ZNF398: variants seen among roughly 807,000 people sequenced by gnomAD.
The protein encoded by ZNF398 is zinc finger DNA binding protein ZER6.
ZNF398 carries 18 observed loss-of-function variants against 41.9 expected under a neutral mutation model. That is an observed-to-expected ratio of 0.43 (90% confidence interval 0.30 to 0.64). The LOEUF is 0.64. ZNF398 is among the 30% of genes least tolerant of loss of function. The pLI is 0.14. For missense variants in ZNF398, 669 were observed against 822.8 expected (o/e 0.81, Z 2.29); for synonymous variants, 260 against 308.8 (o/e 0.84, Z 1.66).
intron 2 of ZNF398, among the ~76,000 whole-genome samples, chr7:149,164,068 C>T (rs1349628397): frequency 1.3e-5 from 2 of 151,298 alleles, no homozygotes; most frequent in Admixed American, 6.6e-5. Context: ...GCCGAGATAG[C>T]GTCACTGCAC....
At chr7:149,168,343 G>C (rs1006950660) in intron 4 of ZNF398, among the ~76,000 whole-genome samples, 6 of 152,072 alleles carry the variant, frequency 3.9e-5, no homozygotes, top group Admixed American at 3.9e-4. Context: ...CTACCAAAGT[G>C]CTGGGATTAC....
chr7:149,130,218 C>A (rs1826570458), intron 2 of ZNF398, among the ~76,000 whole-genome samples: 1 of 152,154 alleles, frequency 6.6e-6, no homozygotes, highest in Non-Finnish European at 1.5e-5. Flanking sequence ...ACCTCAGCCT[C>A]CTGAGTAGGT....
upstream of ZNF398, among the ~76,000 whole-genome samples, chr7:149,144,295 C>T (rs575636351): frequency 1.3e-5 from 2 of 152,290 alleles, no homozygotes; most frequent in South Asian, 2.1e-4. Context: ...TGCCTTATAA[C>T]ATCAAACTTG....
At chr7:149,142,060 C>T (rs1387594566) in intron 2 of ZNF398, among the ~76,000 whole-genome samples, 1 of 151,914 alleles carries the variant, frequency 6.6e-6, no homozygotes, top group East Asian at 1.9e-4. Context: ...GCAATCCTCC[C>T]ACCTCGACCT....
intron 2 of ZNF398, 37 bp from the exon 3 acceptor site, chr7:149,166,121 T>G: frequency 6.4e-7 from 1 of 1,566,774 alleles, no homozygotes; most frequent in Non-Finnish European, 8.6e-7. Context: ...GACTGAATTA[T>G]AATGGAAGGG....
intron 2 of ZNF398, among the ~76,000 whole-genome samples, chr7:149,161,931 T>C (rs1795113136): frequency 6.6e-6 from 1 of 152,156 alleles, no homozygotes; most frequent in South Asian, 2.1e-4. Context: ...GCTATAAACA[T>C]ACATTTCTTA....
In ZNF398 at chr7:149,179,375, C is replaced by T. The variant is rs755067503; in HGVS notation, c.1503C>T (p.His501=). Residue 501 remains histidine, a synonymous_variant, in exon 6 of 6, where the codon CAC becomes CAT. Coordinates refer to ENST00000475153, the MANE Select transcript of ZNF398 (RefSeq NM_170686.3). The surrounding 1 kb of genome is among the most constrained non-coding windows in gnomAD (Gnocchi z 6.1). Reference sequence around the variant, plus strand: ...ACGGCCACTCGGCCCTGATCCGCCACCAGATGATCCACACAGGCGAGCGTC... The same window carrying T: ...ACGGCCACTCGGCCCTGATCCGCCATCAGATGATCCACACAGGCGAGCGTC... The part of the protein sequence containing the change: ...DFNGHSALIR[H]QMIHTGERPY... 2.1e-5 allele frequency: 34 copies of T among 1,613,564 alleles called. No individual in the cohort carries two copies. The highest frequency in any genetic ancestry group is 3.3e-5 in the Admixed American group (2 of 60,002).
rs906318549 is a variant in ZNF398 at position 149,182,965 on chromosome 7, C to T, written c.*3164C>T. Among the ~76,000 whole-genome samples, 8 of 150,870 alleles carry T rather than the reference C, an allele frequency of 5.3e-5. No individual in the cohort carries two copies. The highest frequency in any genetic ancestry group is 8.8e-5 in the Non-Finnish European group (6 of 67,932). ...GAAGTGATGTTCATGTCTATCTCAA[C>T]CAGGACCAGACCCTGTGACTTACTC... On this transcript the variant is annotated 3_prime_UTR_variant, in exon 6 of 6. Coordinates refer to ENST00000475153, the MANE Select transcript of ZNF398 (RefSeq NM_170686.3).
Position 149,154,179 on chromosome 7 carries a change from G to A in ZNF398, c.259G>A (p.Glu87Lys), listed in dbSNP as rs373156671. 6.8e-6 allele frequency: 11 copies of A among 1,614,008 alleles called. No homozygotes were observed. The highest frequency in any genetic ancestry group is 4.5e-5 in the East Asian group (2 of 44,892). ...KLASCEKTVT[E>K]LGNQLEGKWA... ...AGCCAGCTGTGAAAAGACAGTTACC[G>A]AGCTTGGGAACCAGCTGGAGGGCAA... The change falls in exon 2 of 6, where the codon GAG becomes AAG. Residue 87 changes from glutamate (E) to lysine (K), a missense_variant. Around this residue, in one of 3 missense-constraint regions of ZNF398, gnomAD observed 169 missense variants for 239.5 expected, o/e 0.71. Coordinates refer to ENST00000475153, the MANE Select transcript of ZNF398 (RefSeq NM_170686.3).
intron 2 of ZNF398, among the ~76,000 whole-genome samples, chr7:149,162,727 G>C (rs1010148470): frequency 6.6e-6 from 1 of 152,132 alleles, no homozygotes; most frequent in Non-Finnish European, 1.5e-5. Flanking sequence ...AGAGGAACTT[G>C]TTTGAGAAAA....
At chr7:149,166,516 G>A (rs1795228538) in intron 3 of ZNF398, among the ~76,000 whole-genome samples, 1 of 152,172 alleles carries the variant, frequency 6.6e-6, no homozygotes, top group Non-Finnish European at 1.5e-5. Context: ...GACAGCTGGT[G>A]GTTTCCATGG....
intron 2 of ZNF398, among the ~76,000 whole-genome samples, chr7:149,136,928 A>G (rs1042098470): frequency 2.7e-5 from 4 of 145,930 alleles, no homozygotes; most frequent in Non-Finnish European, 6.0e-5. Context: ...GTGCAATGGC[A>G]TGGTCTGGGC....
At chr7:149,176,634 C>A in intron 5 of ZNF398, 53 bp downstream of exon 5, 1 of 1,223,518 alleles carries the variant, frequency 8.2e-7, no homozygotes, top group Non-Finnish European at 1.1e-6. Flanking sequence ...CATGCCAGGA[C>A]TGACTGAAGA....
intron 2 of ZNF398, among the ~76,000 whole-genome samples, chr7:149,135,965 C>CAAT (rs998014189): frequency 7.3e-5 from 11 of 151,666 alleles, no homozygotes; most frequent in South Asian, 2.1e-4. Context: ...AAACTAATAA[C>CAAT]AATAATAATA....
At chr7:149,162,220 C>G (rs1386731027) in intron 2 of ZNF398, among the ~76,000 whole-genome samples, 1 of 151,746 alleles carries the variant, frequency 6.6e-6, no homozygotes, top group Non-Finnish European at 1.5e-5. Flanking sequence ...CTCGCTCTGT[C>G]GCCCAGGCTG....
rs1289640029 is a variant in ZNF398 at position 149,179,477 on chromosome 7, C to T, written c.1605C>T (p.Gly535=). 4.3e-6 allele frequency: 7 copies of T among 1,614,138 alleles called. 1 individual carries two copies. Among genetic ancestry groups the T allele is most frequent in the Middle Eastern group, 3.3e-4 (2 of 6,062 alleles). The part of the protein sequence containing the change: ...HLLNHRRLHT[G]ERPFSCPHCG... ...TGAACCACCGGCGGCTGCACACAGGCGAGCGGCCCTTCAGTTGTCCTCACT... is the reference window on the plus strand; with the variant it reads ...TGAACCACCGGCGGCTGCACACAGGTGAGCGGCCCTTCAGTTGTCCTCACT... Residue 535 remains glycine, a synonymous_variant, in exon 6 of 6, where the codon GGC becomes GGT. Transcript: ENST00000475153. This position sits in a 1 kb window ranked among gnomAD's most constrained non-coding sequence, Gnocchi z 6.1.
chr7:149,172,047 C>A (rs1187915690), intron 4 of ZNF398, among the ~76,000 whole-genome samples: 1 of 152,162 alleles, frequency 6.6e-6, no homozygotes, highest in East Asian at 1.9e-4. Context: ...TTATATTCAG[C>A]ACAAATATAA....
intron 2 of ZNF398, among the ~76,000 whole-genome samples, chr7:149,132,689 A>G (rs1283884972): frequency 1.3e-5 from 2 of 152,116 alleles, no homozygotes; most frequent in African/African-American, 4.8e-5. Context: ...AATCTACTTA[A>G]TGCAAATGAG....
intron 2 of ZNF398, among the ~76,000 whole-genome samples, chr7:149,129,791 A>T (rs918958041): frequency 6.6e-6 from 1 of 151,602 alleles, no homozygotes; most frequent in Admixed American, 6.6e-5. Flanking sequence ...TTTTATACTT[A>T]TTTGTTTATT....
Sources: gnomAD v4.1 joint callset for allele counts (sites outside exome capture counted in the v4.1 genomes callset) on GRCh38, gnomAD v4.1.1 for gene constraint, gnomAD v4.1.1 regional missense constraint, Gnocchi (gnomAD v3.1) non-coding constraint, MANE v1.5 for transcripts, NCBI Gene and HGNC (gene_info 2026-07-23, HGNC 2026-07-21) for gene names.